The following PIK3CA variants were observed in gnomAD, a reference collection of about 807,000 sequenced individuals.
PIK3CA encodes phosphatidylinositol-4,5-bisphosphate 3-kinase catalytic subunit alpha.
PIK3CA carries 27 observed loss-of-function variants against 138.2 expected under a neutral mutation model. The observed-to-expected ratio is 0.20, with a 90% CI of 0.14 to 0.27. The LOEUF (loss-of-function observed/expected upper bound fraction) is 0.27. Among genes scored for constraint, PIK3CA ranks in the 10% least tolerant of loss-of-function variants. PIK3CA has a pLI of 1.00. For missense variants in PIK3CA, 544 were observed against 1,277.4 expected (o/e 0.43, Z 8.75); for synonymous variants, 358 against 413.2 (o/e 0.87, Z 1.62).
chr3:179,212,278 G>C (rs1326565381), intron 9 of PIK3CA, among the ~76,000 whole-genome samples: 2 of 149,374 alleles, frequency 1.3e-5, no homozygotes, highest in African/African-American at 4.9e-5. Flanking sequence ...AAAGTGCTGG[G>C]ATTACAGGCG....
At chr3:179,194,638 T>C (rs1724219544) in intron 1 of PIK3CA, among the ~76,000 whole-genome samples, 1 of 152,188 alleles carries the variant, frequency 6.6e-6, no homozygotes, top group African/African-American at 2.4e-5. Flanking sequence ...CCTGTTCCCA[T>C]GCACTTTAGA....
At chr3:179,208,851 GATTT>G (rs1226640701) in intron 6 of PIK3CA, among the ~76,000 whole-genome samples, 2 of 151,216 alleles carry the variant, frequency 1.3e-5, no homozygotes, top group East Asian at 3.9e-4. Flanking sequence ...TTTACCTACT[GATTT>G]ATTTAGTGGA....
Position 179,239,905 on chromosome 3 carries a change from T to C in PIK3CA, c.*5541T>C. 1.3e-6 allele frequency: 1 copy of C among 773,956 alleles called. No homozygotes were observed. The highest frequency in any genetic ancestry group is 2.1e-6 in the Non-Finnish European group (1 of 473,416). The allele number at this position is 773,956 out of a possible 1,614,324, so 47.9% of individuals were successfully genotyped here. ...ACAGCAAGATGCATGTGTTACTATATTGAGAATATAGAATAATAACAGTAT... is the reference window on the plus strand; with the variant it reads ...ACAGCAAGATGCATGTGTTACTATACTGAGAATATAGAATAATAACAGTAT... On this transcript the variant is annotated 3_prime_UTR_variant, in exon 21 of 21. Coordinates refer to ENST00000263967, the MANE Select transcript of PIK3CA (RefSeq NM_006218.4).
At chr3:179,193,711 T>G (rs1724193669) in intron 1 of PIK3CA, among the ~76,000 whole-genome samples, 1 of 152,176 alleles carries the variant, frequency 6.6e-6, no homozygotes, top group African/African-American at 2.4e-5. Flanking sequence ...ATAACTTATT[T>G]CGATATGTAG....
chr3:179,221,412 A>G (rs553311898), intron 14 of PIK3CA, among the ~76,000 whole-genome samples: 4 of 152,300 alleles, frequency 2.6e-5, no homozygotes, highest in African/African-American at 9.6e-5. Flanking sequence ...CGAGATATGC[A>G]AAGAACCTAT....
intron 1 of PIK3CA, among the ~76,000 whole-genome samples, chr3:179,160,453 C>T (rs1393254924): frequency 6.6e-6 from 1 of 152,068 alleles, no homozygotes; most frequent in Non-Finnish European, 1.5e-5. Context: ...TACAACATGG[C>T]CTCTAATACC....
At chr3:179,193,259 G>A (rs75274102) in intron 1 of PIK3CA, among the ~76,000 whole-genome samples, 7,669 of 152,244 alleles carry the variant, frequency 0.05, 252 homozygotes, top group Middle Eastern at 0.19. Flanking sequence ...GATGATCGAG[G>A]CATCTGTTGT....
intron 9 of PIK3CA, among the ~76,000 whole-genome samples, chr3:179,215,299 C>G (rs549883825): frequency 1.3e-5 from 2 of 152,264 alleles, no homozygotes; most frequent in South Asian, 4.1e-4. Context: ...TATTTGATGA[C>G]TGTATTCTTT....
rs141065099 is a variant in PIK3CA at position 179,224,060 on chromosome 3, C to A, written c.2188-21C>A. The A allele has an allele frequency of 3.0e-6, 4 of 1,336,742 alleles. No individual in the cohort carries two copies. In the African/African-American group the frequency reaches 5.8e-5, roughly 19 times the overall value. 82.8% of individuals were successfully genotyped at this position (1,336,742 alleles called of 1,614,324 possible). On this transcript the variant is annotated intron_variant, in intron 14 of 20. Coordinates refer to ENST00000263967, the MANE Select transcript of PIK3CA (RefSeq NM_006218.4). ...TTATTAAGTCAGTTTCTTACTGTGA[C>A]TATCCTTTTTTTTTAATCAGGTACA... is the stretch of plus-strand genomic sequence containing the variant.
rs189544742 is a variant in PIK3CA, at chr3:179,163,390, T to C, written c.-77+14787T>C. On this transcript the variant is annotated intron_variant, in intron 1 of 20. Coordinates refer to ENST00000263967, the MANE Select transcript of PIK3CA (RefSeq NM_006218.4). ...CAAATAAGATTGGGGCATGGCAATG[T>C]GCCCCCTCTAGTCCAAGCTACTCAG... is the stretch of plus-strand genomic sequence containing the variant. Among the ~76,000 whole-genome samples the C allele has an allele frequency of 4.6e-5, 7 of 152,244 alleles. 1 individual carries two copies. The East Asian group carries it at 1.4e-3, about 29-fold the overall frequency.
At chr3:179,228,050 A>C (rs1725123827) in intron 17 of PIK3CA, among the ~76,000 whole-genome samples, 1 of 152,090 alleles carries the variant, frequency 6.6e-6, no homozygotes, top group African/African-American at 2.4e-5. Context: ...TTTGGCAGAC[A>C]TTTTCTTGAA....
At chr3:179,171,138 G>GAAAATGGA (rs142881410) in intron 1 of PIK3CA, among the ~76,000 whole-genome samples, 38,042 of 151,724 alleles carry the variant, frequency 0.25, 5,706 homozygotes, top group African/African-American at 0.42. Context: ...GAGAAATAAG[G>GAAAATGGA]AAGAAATAAG....
rs867214122 is a variant in PIK3CA at position 179,209,517 on chromosome 3, G to A, written c.1146-78G>A. The A allele has an allele frequency of 1.7e-5, 13 of 754,652 alleles. No homozygotes were observed. In the Middle Eastern group the frequency reaches 7.5e-4, roughly 44 times the overall value. The allele number at this position is 754,652 out of a possible 1,614,324, so 46.7% of individuals were successfully genotyped here. On this transcript the variant is annotated intron_variant, in intron 6 of 20. Transcript: ENST00000263967. ...TTTCGTTTGGTTGATCTTTGTCTTC[G>A]TGATTTGTAGGAGTCATTTATATAC...
chr3:179,199,624 C>A, intron 2 of PIK3CA, 66 bp from the exon 3 acceptor site: 2 of 1,189,798 alleles, frequency 1.7e-6, no homozygotes, highest in Non-Finnish European at 2.4e-6. Flanking sequence ...TCCCTGTTTG[C>A]AAAAAAAACA....
chr3:179,185,033 A>T (rs1390585184), intron 1 of PIK3CA, among the ~76,000 whole-genome samples: 4 of 152,224 alleles, frequency 2.6e-5, no homozygotes, highest in Non-Finnish European at 5.9e-5. Context: ...TTTTTGATGA[A>T]GAAAGACTGT....
Position 179,175,710 on chromosome 3 carries a change from ATT to A in PIK3CA, c.-76-23027_-76-23026del, listed in dbSNP as rs57751136. Among the ~76,000 whole-genome samples, 1,081 of 140,514 alleles carry A rather than the reference ATT, an allele frequency of 7.7e-3. 62 individuals are homozygous for A. The South Asian group carries it at 0.15, about 19-fold the overall frequency. 92.2% of individuals were successfully genotyped at this position (140,514 alleles called of 152,430 possible). A position where few individuals can be genotyped will look rare whatever the true frequency, so the allele number is the denominator to read the frequency against. Reference sequence around the variant, plus strand: ...TAACTTTAACTTCAAACATTTGTTGATTTTTTTTTTTTTTCAGTTCTTATTCT... The same window carrying A: ...TAACTTTAACTTCAAACATTTGTTGATTTTTTTTTTTTCAGTTCTTATTCT... On this transcript the variant is annotated intron_variant, in intron 1 of 20. Transcript: ENST00000263967.
chr3:179,196,532 A>C (rs1313847702), intron 1 of PIK3CA, among the ~76,000 whole-genome samples: 2 of 152,188 alleles, frequency 1.3e-5, no homozygotes, highest in African/African-American at 4.8e-5. Flanking sequence ...TCTCTTTTAT[A>C]AGTTTGAAGA....
chr3:179,173,543 C>G (rs957957423), intron 1 of PIK3CA, among the ~76,000 whole-genome samples: 1 of 151,178 alleles, frequency 6.6e-6, no homozygotes, highest in Non-Finnish European at 1.5e-5. Flanking sequence ...CGTGCCACTG[C>G]ACTCCAGCCT....
chr3:179,227,137 G>C (rs955691936), intron 17 of PIK3CA, among the ~76,000 whole-genome samples: 1 of 151,960 alleles, frequency 6.6e-6, no homozygotes, highest in Non-Finnish European at 1.5e-5. Flanking sequence ...AATATTAATG[G>C]TTTTTTAGTC....
Sources: allele counts gnomAD v4.1 joint callset (sites outside exome capture counted in the v4.1 genomes callset), GRCh38; gene constraint gnomAD v4.1.1; transcripts MANE v1.5; gene names NCBI Gene and HGNC (gene_info 2026-07-23, HGNC 2026-07-21).